The following SIMC1 variants were observed in gnomAD, a reference collection of about 807,000 sequenced individuals.
The protein encoded by SIMC1 is SUMO interacting motifs containing 1, also known as SUMO-interacting motif-containing protein 1.
SIMC1 carries 55 observed loss-of-function variants against 82.3 expected under a neutral mutation model. The ratio of observed to expected loss-of-function variants is 0.67; its 90% CI spans 0.54 to 0.84. SIMC1 has a LOEUF of 0.84. Ranked by LOEUF, SIMC1 falls within the 40% of genes least tolerant of loss-of-function variation. SIMC1 has a pLI of 0.00. For missense variants in SIMC1, 915 were observed against 1,107.2 expected (o/e 0.83, Z 2.46); for synonymous variants, 353 against 426.3 (o/e 0.83, Z 2.12).
At position 176,320,897 on chromosome 5, in the gene SIMC1, A is replaced by G. The variant is rs538583215; in HGVS notation, c.1890-1376A>G. Among the ~76,000 whole-genome samples the G allele has an allele frequency of 6.8e-4, 104 of 152,300 alleles. 1 individual carries two copies. The highest frequency in any genetic ancestry group is 9.0e-4 in the Non-Finnish European group (61 of 68,028). On this transcript the variant is annotated intron_variant, in intron 5 of 9. Transcript: ENST00000429602. ...ATTAAACGTCATCTTAAAACATGGC[A>G]CAGTGGCTTTATTTGCTCAGTTAAT...
chr5:176,280,198 T>C (rs1377853304), intron 1 of SIMC1, among the ~76,000 whole-genome samples: 2 of 152,256 alleles, frequency 1.3e-5, no homozygotes, highest in Non-Finnish European at 2.9e-5. Flanking sequence ...TTAGGTCTTC[T>C]TGTTGAATTG....
chr5:176,332,501 G>T (rs1765709299), intron 7 of SIMC1, among the ~76,000 whole-genome samples: 1 of 151,980 alleles, frequency 6.6e-6, no homozygotes, highest in Non-Finnish European at 1.5e-5. Flanking sequence ...TGTTGGTCAG[G>T]CTAGTCTCGA....
intron 1 of SIMC1, among the ~76,000 whole-genome samples, chr5:176,283,922 CAAAG>C (rs971133267): frequency 5.3e-5 from 8 of 152,210 alleles, no homozygotes; most frequent in South Asian, 2.1e-4. Context: ...TAAAAATAGA[CAAAG>C]AAGGCCATTA....
At chr5:176,242,741 CT>C (rs1010141988) in intron 1 of SIMC1, among the ~76,000 whole-genome samples, 21 of 152,020 alleles carry the variant, frequency 1.4e-4, no homozygotes, top group African/African-American at 5.1e-4. Context: ...CTAGTCACCC[CT>C]AGGTATTGTT....
intron 1 of SIMC1, among the ~76,000 whole-genome samples, chr5:176,252,657 T>C (rs1237974344): frequency 7.6e-6 from 1 of 132,440 alleles, no homozygotes; most frequent in East Asian, 2.3e-4. Flanking sequence ...CTTTCCAGAC[T>C]GGGCAGCCAG....
intron 5 of SIMC1, among the ~76,000 whole-genome samples, chr5:176,321,047 C>T (rs1765135419): frequency 6.6e-6 from 1 of 152,170 alleles, no homozygotes; most frequent in Non-Finnish European, 1.5e-5. Flanking sequence ...CATCTCTACA[C>T]CCCTCATCAC....
At chr5:176,318,938 T>C (rs933524759) in intron 5 of SIMC1, among the ~76,000 whole-genome samples, 2 of 151,900 alleles carry the variant, frequency 1.3e-5, no homozygotes, top group African/African-American at 4.8e-5. Flanking sequence ...CAAAACCCCA[T>C]CTCTACCAAA....
At chr5:176,320,768 G>T (rs1344939344) in intron 5 of SIMC1, among the ~76,000 whole-genome samples, 1 of 151,900 alleles carries the variant, frequency 6.6e-6, no homozygotes, top group Non-Finnish European at 1.5e-5. Context: ...TAAGTAAATA[G>T]GATTAAATAG....
intron 7 of SIMC1, among the ~76,000 whole-genome samples, 174 bp downstream of exon 7, chr5:176,324,931 T>G (rs1009402012): frequency 6.6e-6 from 1 of 152,226 alleles, no homozygotes; most frequent in Non-Finnish European, 1.5e-5. Flanking sequence ...GAAGGATTAT[T>G]CTTATGTCTT....
chr5:176,268,744 G>A (rs983863919), intron 1 of SIMC1, among the ~76,000 whole-genome samples: 1 of 152,216 alleles, frequency 6.6e-6, no homozygotes, highest in African/African-American at 2.4e-5. Context: ...TTTTCGCTCT[G>A]TAGTTGATAA....
At chr5:176,309,174 A>G (rs1252969693) in intron 4 of SIMC1, among the ~76,000 whole-genome samples, 3 of 152,252 alleles carry the variant, frequency 2.0e-5, no homozygotes, top group Non-Finnish European at 4.4e-5. Context: ...AGAGGAACAG[A>G]CACATAGATC....
intron 2 of SIMC1, 192 bp from the exon 3 acceptor site, chr5:176,294,838 G>T (rs560915384): frequency 6.3e-6 from 4 of 634,990 alleles, no homozygotes; most frequent in South Asian, 4.4e-5. Context: ...GGTGGTGGGC[G>T]CCTGTAGTCC....
chr5:176,252,986 G>A (rs1443394746), intron 1 of SIMC1, among the ~76,000 whole-genome samples: 5 of 152,184 alleles, frequency 3.3e-5, no homozygotes, highest in South Asian at 2.1e-4. Context: ...AAAAAAATAC[G>A]AAAACCAGTC....
chr5:176,311,678 G>A (rs867987316), intron 4 of SIMC1, among the ~76,000 whole-genome samples: 4 of 151,798 alleles, frequency 2.6e-5, no homozygotes, highest in Admixed American at 6.6e-5. Context: ...CAAAACTCTA[G>A]AAAAACAAAA....
intron 9 of SIMC1, among the ~76,000 whole-genome samples, chr5:176,342,194 C>G (rs948477414): frequency 6.6e-6 from 1 of 152,122 alleles, no homozygotes; most frequent in Non-Finnish European, 1.5e-5. Context: ...TTAAGAAAAT[C>G]AAAGTCTACA....
chr5:176,305,165 C>T (rs1261319143), intron 4 of SIMC1, among the ~76,000 whole-genome samples: 5 of 90,544 alleles, frequency 5.5e-5, no homozygotes, highest in Non-Finnish European at 1.3e-4. Flanking sequence ...CCCGCCTGGC[C>T]AGCCGTGCCG....
chr5:176,311,177 A>G (rs1185589223), intron 4 of SIMC1, among the ~76,000 whole-genome samples: 3 of 152,208 alleles, frequency 2.0e-5, no homozygotes, highest in Non-Finnish European at 4.4e-5. Flanking sequence ...TAGGTTTACT[A>G]CAAATCATTG....
At chr5:176,295,936 G>A (rs897819966) in intron 3 of SIMC1, among the ~76,000 whole-genome samples, 2 of 152,158 alleles carry the variant, frequency 1.3e-5, no homozygotes, top group African/African-American at 4.8e-5. Context: ...AGAACAGCAC[G>A]ATTGGCTAAA....
chr5:176,248,926 CA>C (rs1761548878), intron 1 of SIMC1, among the ~76,000 whole-genome samples: 1 of 152,104 alleles, frequency 6.6e-6, no homozygotes, highest in South Asian at 2.1e-4. Context: ...TATGTTGATC[CA>C]GCCTTGCATC....
Sources: allele counts gnomAD v4.1 joint callset (sites outside exome capture counted in the v4.1 genomes callset), GRCh38; gene constraint gnomAD v4.1.1; transcripts MANE v1.5; gene names NCBI Gene and HGNC (gene_info 2026-07-23, HGNC 2026-07-21).